The following EXOC4 variants were observed in gnomAD, a reference collection of about 807,000 sequenced individuals.
EXOC4 encodes the protein SEC8-like 1.
EXOC4 carries 71 observed loss-of-function variants against 107.2 expected under a neutral mutation model. The ratio of observed to expected loss-of-function variants is 0.66; its 90% CI spans 0.55 to 0.81. EXOC4 has a LOEUF of 0.81. EXOC4 is among the 30% of genes least tolerant of loss of function. The pLI is 0.00. For missense variants in EXOC4, 1,108 were observed against 1,189.6 expected (o/e 0.93, Z 1.01); for synonymous variants, 456 against 441.2 (o/e 1.03, Z -0.42).
chr7:133,321,524 G>T (rs186438058), intron 5 of EXOC4, among the ~76,000 whole-genome samples: 2 of 152,060 alleles, frequency 1.3e-5, no homozygotes, highest in African/African-American at 4.8e-5. Context: ...GAGGTGTTTG[G>T]TTTTCTGTTC....
intron 10 of EXOC4, among the ~76,000 whole-genome samples, chr7:133,646,526 T>C (rs10954423): frequency 0.23 from 34,590 of 152,146 alleles, 5,294 homozygotes; most frequent in East Asian, 0.5. Context: ...TATTTTTCCT[T>C]TTACTTTCTT....
At chr7:133,628,550 A>G (rs1802511584) in intron 9 of EXOC4, among the ~76,000 whole-genome samples, 1 of 152,214 alleles carries the variant, frequency 6.6e-6, no homozygotes, top group Non-Finnish European at 1.5e-5. Flanking sequence ...AGATTACATT[A>G]GTTGAACTTC....
In EXOC4 at chr7:133,748,766, C is replaced by T. The variant is rs1795729146; in HGVS notation, c.1515-68559C>T. Among the ~76,000 whole-genome samples, 4 of 152,164 alleles carry T rather than the reference C, an allele frequency of 2.6e-5. No individual in the cohort carries two copies. In the South Asian group the frequency reaches 8.3e-4, roughly 32 times the overall value. ...TCAGTGCCTAAGATAAGGGACTTGT[C>T]ACCTGGTCACGTCAGCAACTCTCTC... On this transcript the variant is annotated intron_variant, in intron 10 of 17. Coordinates refer to ENST00000253861, the MANE Select transcript of EXOC4 (RefSeq NM_021807.4).
chr7:133,954,369 A>G (rs2116806898), intron 14 of EXOC4, among the ~76,000 whole-genome samples: 1 of 152,348 alleles, frequency 6.6e-6, no homozygotes, highest in African/African-American at 2.4e-5. Flanking sequence ...GTGCCTTGAA[A>G]TATTAGCTAA....
At chr7:133,813,641 T>G (rs1797291310) in intron 10 of EXOC4, among the ~76,000 whole-genome samples, 1 of 152,142 alleles carries the variant, frequency 6.6e-6, no homozygotes, top group Non-Finnish European at 1.5e-5. Context: ...TCTACTTTTA[T>G]TTCATTTTTC....
chr7:133,817,795 A>G (rs1797410322), intron 11 of EXOC4, among the ~76,000 whole-genome samples: 1 of 152,134 alleles, frequency 6.6e-6, no homozygotes, highest in South Asian at 2.1e-4. Context: ...TCTCATTAAC[A>G]TGCAGGCAGT....
chr7:133,858,339 G>C (rs924516526), intron 11 of EXOC4, among the ~76,000 whole-genome samples: 1 of 152,120 alleles, frequency 6.6e-6, no homozygotes, highest in Non-Finnish European at 1.5e-5. Flanking sequence ...GGTTGAGTCT[G>C]GGGGTTTTTA....
chr7:133,745,621 C>G (rs111275521), intron 10 of EXOC4, among the ~76,000 whole-genome samples: 226 of 150,596 alleles, frequency 1.5e-3, no homozygotes, highest in African/African-American at 5.4e-3. Context: ...GCTATTAAAA[C>G]AAGCATTTAA....
At chr7:133,512,003 T>A (rs1051890005) in intron 9 of EXOC4, among the ~76,000 whole-genome samples, 1 of 152,234 alleles carries the variant, frequency 6.6e-6, no homozygotes, top group Non-Finnish European at 1.5e-5. Context: ...GCTTGGAGAA[T>A]TCAGATGTCG....
intron 9 of EXOC4, among the ~76,000 whole-genome samples, chr7:133,495,946 T>G (rs1220559182): frequency 2.0e-5 from 3 of 152,206 alleles, no homozygotes; most frequent in Non-Finnish European, 4.4e-5. Flanking sequence ...ACATTCTCAC[T>G]AATGTATTTT....
chr7:133,625,541 A>G (rs1012397589), intron 9 of EXOC4, among the ~76,000 whole-genome samples: 1 of 152,192 alleles, frequency 6.6e-6, no homozygotes, highest in Non-Finnish European at 1.5e-5. Flanking sequence ...ATATGACAAT[A>G]TTTATTACAA....
intron 10 of EXOC4, among the ~76,000 whole-genome samples, chr7:133,694,751 A>G (rs1440272496): frequency 6.6e-6 from 1 of 152,206 alleles, no homozygotes; most frequent in African/African-American, 2.4e-5. Flanking sequence ...TGAAATATGC[A>G]GTAAATTACT....
chr7:133,755,791 C>T (rs1795904855), intron 10 of EXOC4, among the ~76,000 whole-genome samples: 1 of 152,156 alleles, frequency 6.6e-6, no homozygotes, highest in Non-Finnish European at 1.5e-5. Context: ...CCCTGAGCCT[C>T]TTAAACCATT....
At chr7:133,501,492 C>G (rs1799575142) in intron 9 of EXOC4, among the ~76,000 whole-genome samples, 1 of 152,174 alleles carries the variant, frequency 6.6e-6, no homozygotes, top group South Asian at 2.1e-4. Context: ...TAATGAAATT[C>G]AGTTCAGCAC....
chr7:134,082,758 A>G, the EXOC4 span, among the ~76,000 whole-genome samples: 45 of 152,234 alleles, frequency 3.0e-4, 1 homozygote, highest in African/African-American at 9.1e-4. Context: ...CTGTTTTATC[A>G]GCAAGCTCTT....
At chr7:133,914,726 A>G (rs1221251545) in intron 12 of EXOC4, among the ~76,000 whole-genome samples, 1 of 152,232 alleles carries the variant, frequency 6.6e-6, no homozygotes, top group East Asian at 1.9e-4. Flanking sequence ...CGTAACAGTG[A>G]TATCTTGAAA....
At chr7:134,045,390 A>C (rs1386817010) in intron 17 of EXOC4, among the ~76,000 whole-genome samples, 16 of 152,290 alleles carry the variant, frequency 1.1e-4, no homozygotes. Flanking sequence ...ACTTTAATAC[A>C]TTTCTGGGGC....
intron 1 of EXOC4, among the ~76,000 whole-genome samples, chr7:133,256,224 A>T (rs568055356): frequency 6.6e-6 from 1 of 152,110 alleles, no homozygotes; most frequent in East Asian, 1.9e-4. Context: ...CTTGTGATCC[A>T]CCCGCCTTGG....
intron 9 of EXOC4, among the ~76,000 whole-genome samples, chr7:133,522,265 T>C (rs1799995090): frequency 6.6e-6 from 1 of 152,152 alleles, no homozygotes; most frequent in Admixed American, 6.5e-5. Flanking sequence ...TGTTATTTGT[T>C]TGAGTTTCAG....
Sources: gnomAD v4.1 joint callset for allele counts (sites outside exome capture counted in the v4.1 genomes callset) on GRCh38, gnomAD v4.1.1 for gene constraint, MANE v1.5 for transcripts, NCBI Gene and HGNC (gene_info 2026-07-23, HGNC 2026-07-21) for gene names.